Variants in RGS7 observed in about 807,000 individuals in gnomAD.
The protein encoded by RGS7 is regulator of G protein signaling 7.
RGS7 carries 27 observed loss-of-function variants against 81.1 expected under a neutral mutation model. That is an observed-to-expected ratio of 0.33 (90% CI 0.25 to 0.46). RGS7 has a LOEUF of 0.46. Among genes scored for constraint, RGS7 ranks in the 20% least tolerant of loss-of-function variants. The pLI is 1.00. For missense variants in RGS7, 396 were observed against 607.4 expected (o/e 0.65, Z 3.66); for synonymous variants, 208 against 207.7 (o/e 1.00, Z -0.01).
At chr1:241,262,262 G>A (rs555133588) in intron 2 of RGS7, among the ~76,000 whole-genome samples, 3 of 152,264 alleles carry the variant, frequency 2.0e-5, no homozygotes, top group South Asian at 2.1e-4. Flanking sequence ...CAGCTAATAC[G>A]CCATTGTTGC....
intron 3 of RGS7, among the ~76,000 whole-genome samples, chr1:241,085,762 TG>T (rs2063400089): frequency 6.6e-6 from 1 of 152,170 alleles, no homozygotes; most frequent in East Asian, 1.9e-4. Flanking sequence ...GCACCAATCA[TG>T]ACCCATTTTG....
At chr1:241,011,189 G>C (rs2058938559) in intron 3 of RGS7, among the ~76,000 whole-genome samples, 1 of 152,180 alleles carries the variant, frequency 6.6e-6, no homozygotes, top group Admixed American at 6.5e-5. Flanking sequence ...TTTTAAAAAA[G>C]TTCTTGTGGT....
At chr1:241,122,394 G>T (rs1464088519) in intron 2 of RGS7, among the ~76,000 whole-genome samples, 1 of 152,170 alleles carries the variant, frequency 6.6e-6, no homozygotes, top group African/African-American at 2.4e-5. Context: ...TGGGCATGGT[G>T]TCTGATGCCT....
At chr1:240,881,241 T>A (rs1292233165) in intron 6 of RGS7, among the ~76,000 whole-genome samples, 1 of 150,742 alleles carries the variant, frequency 6.6e-6, no homozygotes, top group Non-Finnish European at 1.5e-5. Flanking sequence ...GAGCAAACTA[T>A]CGCAAGGTCA....
intron 2 of RGS7, among the ~76,000 whole-genome samples, chr1:241,259,685 T>TATATATATATATATATATAA (rs1302382859): frequency 2.0e-5 from 2 of 100,792 alleles, no homozygotes; most frequent in Non-Finnish European, 4.1e-5. Context: ...TATATATATA[T>TATATATATATATATATATAA]AATTAAAATA....
intron 3 of RGS7, among the ~76,000 whole-genome samples, chr1:241,002,169 C>T (rs889935441): frequency 1.3e-5 from 2 of 151,930 alleles, no homozygotes. Flanking sequence ...AAAATAGGCC[C>T]GGCGGGATGG....
chr1:241,141,202 G>A (rs2067896708), intron 2 of RGS7, among the ~76,000 whole-genome samples: 1 of 152,144 alleles, frequency 6.6e-6, no homozygotes, highest in Non-Finnish European at 1.5e-5. Context: ...TTGGGAGAAT[G>A]AGATGAGGAG....
intron 2 of RGS7, among the ~76,000 whole-genome samples, chr1:241,148,854 G>T (rs1382839312): frequency 2.0e-5 from 3 of 152,256 alleles, no homozygotes; most frequent in Non-Finnish European, 4.4e-5. Context: ...GTAGATTACT[G>T]TGTCTAAGAA....
At chr1:240,857,733 A>G (rs1661408444) in intron 9 of RGS7, among the ~76,000 whole-genome samples, 1 of 151,982 alleles carries the variant, frequency 6.6e-6, no homozygotes, top group Admixed American at 6.6e-5. Context: ...TCATTGAAAA[A>G]CATTCTGATA....
At chr1:240,823,195 G>T in intron 10 of RGS7, 1 of 929,522 alleles carries the variant, frequency 1.1e-6, no homozygotes. Flanking sequence ...CAGGATAAGC[G>T]TGTCCATGGA....
chr1:240,857,742 T>TTGTTTCC, intron 9 of RGS7, among the ~76,000 whole-genome samples: 1 of 152,292 alleles, frequency 6.6e-6, no homozygotes, highest in African/African-American at 2.4e-5. Flanking sequence ...AACATTCTGA[T>TTGTTTCC]ATGGTTTGGC....
intron 3 of RGS7, among the ~76,000 whole-genome samples, chr1:241,010,080 T>C (rs1007879128): frequency 2.0e-5 from 3 of 152,154 alleles, no homozygotes; most frequent in South Asian, 2.1e-4. Flanking sequence ...AAACACCTAA[T>C]GTAAATGACT....
intron 18 of RGS7, among the ~76,000 whole-genome samples, chr1:240,793,611 A>ATATATATATATATATATATATT: frequency 6.1e-4 from 48 of 78,762 alleles, no homozygotes; most frequent in East Asian, 9.8e-4. Flanking sequence ...ATATATATAT[A>ATATATATATATATATATATATT]TTTTTTTTTT....
Position 241,092,954 on chromosome 1 carries a change from G to A in RGS7, c.175+5712C>T, listed in dbSNP as rs779730727. Among the ~76,000 whole-genome samples, 3 of 151,856 alleles carry A rather than the reference G, an allele frequency of 2.0e-5. No homozygotes were observed. The South Asian group carries it at 6.3e-4, about 32-fold the overall frequency. ...AGAATGGAACATTAAATTTAGCAGT[G>A]AACTTCTTGGCAACTACAGAAAAAA... is the stretch of plus-strand genomic sequence containing the variant. On this transcript the variant is annotated intron_variant, in intron 3 of 18. Transcript: ENST00000440928.
At chr1:241,177,422 A>C (rs2071238190) in intron 2 of RGS7, among the ~76,000 whole-genome samples, 1 of 152,178 alleles carries the variant, frequency 6.6e-6, no homozygotes, top group African/African-American at 2.4e-5. Context: ...GATGGCATGT[A>C]CAACAGAAAA....
chr1:240,948,036 T>C (rs1558510162), intron 4 of RGS7, among the ~76,000 whole-genome samples: 1 of 152,326 alleles, frequency 6.6e-6, no homozygotes, highest in South Asian at 2.1e-4. Context: ...CTTCCTTCAG[T>C]TGGATTCTAG....
chr1:240,812,595 C>T (rs553035799), intron 13 of RGS7, among the ~76,000 whole-genome samples: 3 of 152,010 alleles, frequency 2.0e-5, no homozygotes, highest in South Asian at 2.1e-4. Flanking sequence ...CCACTATGCC[C>T]GGCTACTTTT....
chr1:241,311,323 A>G (rs1251161180), intron 2 of RGS7, among the ~76,000 whole-genome samples: 2 of 152,364 alleles, frequency 1.3e-5, no homozygotes, highest in Non-Finnish European at 2.9e-5. Context: ...TGCCACATAA[A>G]AAACAAAGAT....
At chr1:241,342,777 C>T (rs2148705156) in intron 2 of RGS7, among the ~76,000 whole-genome samples, 1 of 152,290 alleles carries the variant, frequency 6.6e-6, no homozygotes, top group East Asian at 1.9e-4. Context: ...AAAGATGCTC[C>T]ATCATTAGGG....
Sources: gnomAD v4.1 joint callset for allele counts (sites outside exome capture counted in the v4.1 genomes callset) on GRCh38, gnomAD v4.1.1 for gene constraint, MANE v1.5 for transcripts, NCBI Gene and HGNC (gene_info 2026-07-23, HGNC 2026-07-21) for gene names.